CEP85: variants seen among roughly 807,000 people sequenced by gnomAD.
CEP85 encodes the protein centrosomal protein of 85 kDa.
In CEP85, 58 loss-of-function variants were observed where a neutral mutation model predicts 93.7. The ratio of observed to expected loss-of-function variants is 0.62; its 90% confidence interval spans 0.50 to 0.77. CEP85 has a LOEUF of 0.77. CEP85 is among the 30% of genes least tolerant of loss of function. The pLI is 0.00. For missense variants in CEP85, 868 were observed against 922.0 expected, an observed-to-expected ratio of 0.94 and a Z score of 0.76; for synonymous variants, 314 against 338.6, an observed-to-expected ratio of 0.93 and a Z score of 0.80.
chr1:26,271,954 C>T, intron 10 of CEP85, 67 bp from the exon 11 acceptor site: 1 of 1,396,550 alleles, frequency 7.2e-7, no homozygotes, highest in Non-Finnish European at 1.0e-6. Flanking sequence ...CTAGTGCAGC[C>T]CCCTTGCCCT....
intron 4 of CEP85, among the ~76,000 whole-genome samples, chr1:26,256,284 G>A (rs929049472): frequency 1.3e-5 from 2 of 152,076 alleles, no homozygotes; most frequent in Non-Finnish European, 2.9e-5. Flanking sequence ...GGTGGCTCAC[G>A]CCTATAATCC....
chr1:26,260,328 T>A (rs1157944054), intron 7 of CEP85, among the ~76,000 whole-genome samples: 2 of 152,050 alleles, frequency 1.3e-5, no homozygotes, highest in Non-Finnish European at 2.9e-5. Context: ...CCGTCTCTAC[T>A]AAAAATGCAA....
chr1:26,255,224 A>C lies in CEP85; in HGVS notation c.262A>C (p.Thr88Pro), dbSNP rs762214483. 26 of 1,614,070 alleles carry C rather than the reference A, an allele frequency of 1.6e-5. No homozygotes were observed. The highest frequency in any genetic ancestry group is 2.2e-5 in the Non-Finnish European group (26 of 1,180,004). ...PPFQPIKSHVTIPTAHVMPST... is the reference protein window; with the variant it reads ...PPFQPIKSHVPIPTAHVMPST... ...TTTCCAGCCCATCAAAAGCCACGTAACCATTCCAACAGCCCATGTGATGCC... is the reference window on the plus strand; with the variant it reads ...TTTCCAGCCCATCAAAAGCCACGTACCCATTCCAACAGCCCATGTGATGCC... The change falls in exon 4 of 14, where the codon ACC becomes CCC. Residue 88 changes from threonine (T) to proline (P), a missense_variant. Coordinates refer to ENST00000451429, the MANE Select transcript of CEP85 (RefSeq NM_001319944.2).
At chr1:26,256,610 T>C (rs2089706413) in intron 4 of CEP85, among the ~76,000 whole-genome samples, 1 of 150,592 alleles carries the variant, frequency 6.6e-6, no homozygotes, top group Admixed American at 6.6e-5. Flanking sequence ...CTTTTTTTTT[T>C]TTTTTTGAGA....
chr1:26,244,454 C>T (rs1262299508), intron 3 of CEP85, 136 bp downstream of exon 3: 19 of 769,336 alleles, frequency 2.5e-5, no homozygotes, highest in Middle Eastern at 3.9e-4. Flanking sequence ...AGGAGTCTCT[C>T]ATTCTTCTTA....
At chr1:26,235,583 T>TTTTTTTTTTTTTTTTTTTTG in intron 1 of CEP85, among the ~76,000 whole-genome samples, 1 of 148,406 alleles carries the variant, frequency 6.7e-6, no homozygotes, top group Non-Finnish European at 1.5e-5. Flanking sequence ...TTTTTTTTTT[T>TTTTTTTTTTTTTTTTTTTTG]TTTTGTGAGA....
At chr1:26,268,716 G>A in intron 8 of CEP85, 81 bp downstream of exon 8, 1 of 1,312,138 alleles carries the variant, frequency 7.6e-7, no homozygotes, top group African/African-American at 1.5e-5. Flanking sequence ...GCTGTATGCA[G>A]TTATCCTGTG....
intron 1 of CEP85, 78 bp from the exon 2 acceptor site, chr1:26,239,684 T>C (rs2089389927): frequency 4.5e-6 from 4 of 898,440 alleles, no homozygotes; most frequent in Non-Finnish European, 5.6e-6. Context: ...GTTTTGACAG[T>C]TTCAGTTGAA....
chr1:26,261,952 C>T (rs2089816886), intron 7 of CEP85, among the ~76,000 whole-genome samples: 1 of 152,086 alleles, frequency 6.6e-6, no homozygotes, highest in Non-Finnish European at 1.5e-5. Flanking sequence ...AGGCGAATCA[C>T]TTGAGGTCAG....
chr1:26,249,005 C>T (rs1001596004), intron 3 of CEP85, among the ~76,000 whole-genome samples: 4 of 152,228 alleles, frequency 2.6e-5, no homozygotes, highest in South Asian at 2.1e-4. Flanking sequence ...GGATTACAGG[C>T]GTGAGCCACC....
chr1:26,260,425 A>C (rs998414498), intron 7 of CEP85, among the ~76,000 whole-genome samples: 1 of 151,730 alleles, frequency 6.6e-6, no homozygotes, highest in Non-Finnish European at 1.5e-5. Flanking sequence ...CGGGAGACAG[A>C]GGTTGCAGTG....
chr1:26,240,807 A>T (rs2089409651), intron 2 of CEP85, among the ~76,000 whole-genome samples: 3 of 152,086 alleles, frequency 2.0e-5, no homozygotes, highest in African/African-American at 7.2e-5. Flanking sequence ...CTGAGGCAGG[A>T]GAATCACTTG....
chr1:26,275,671 C>CT (rs1356122038), intron 12 of CEP85, among the ~76,000 whole-genome samples: 1 of 152,128 alleles, frequency 6.6e-6, no homozygotes, highest in Non-Finnish European at 1.5e-5. Flanking sequence ...TTCAAGAAGA[C>CT]TGAGGATTTG....
intron 7 of CEP85, among the ~76,000 whole-genome samples, chr1:26,261,459 C>T (rs773403315): frequency 2.3e-4 from 35 of 151,494 alleles, no homozygotes; most frequent in Non-Finnish European, 4.4e-4. Context: ...GCAACAAGAG[C>T]GAAACTCCAT....
chr1:26,252,349 A>G (rs1359901804), intron 3 of CEP85, among the ~76,000 whole-genome samples: 4 of 151,996 alleles, frequency 2.6e-5, no homozygotes, highest in African/African-American at 9.7e-5. Context: ...CCTGACCAGC[A>G]TGGAGAAGCC....
At chr1:26,256,651 T>C (rs2089707542) in intron 4 of CEP85, among the ~76,000 whole-genome samples, 2 of 144,728 alleles carry the variant, frequency 1.4e-5, no homozygotes, top group Admixed American at 1.4e-4. Flanking sequence ...CAGGCTGGAG[T>C]GCAGTGGCGT....
intron 6 of CEP85, among the ~76,000 whole-genome samples, chr1:26,259,034 T>A (rs1265044773): frequency 6.6e-6 from 1 of 152,200 alleles, no homozygotes; most frequent in Non-Finnish European, 1.5e-5. Context: ...ATTTGAATGT[T>A]GGATATTTGA....
intron 5 of CEP85, 90 bp downstream of exon 5, chr1:26,257,820 C>T: frequency 7.0e-7 from 1 of 1,437,828 alleles, no homozygotes; most frequent in Non-Finnish European, 9.6e-7. Context: ...GCAAAGCATT[C>T]CTCCTCTGTT....
intron 7 of CEP85, among the ~76,000 whole-genome samples, chr1:26,263,691 G>A (rs11247890): frequency 0.17 from 24,959 of 151,192 alleles, 2,122 homozygotes; most frequent in Middle Eastern, 0.21. Context: ...AAAAAAAAAA[G>A]GAAAAAGATC....
Sources: allele counts gnomAD v4.1 joint callset (sites outside exome capture counted in the v4.1 genomes callset), GRCh38; gene constraint gnomAD v4.1.1; transcripts MANE v1.5; gene names NCBI Gene and HGNC (gene_info 2026-07-23, HGNC 2026-07-21).